ABLIM1: variants seen among roughly 807,000 people sequenced by gnomAD.
ABLIM1 encodes the protein actin binding LIM protein 1.
In ABLIM1, 40 loss-of-function variants were observed where a neutral mutation model predicts 107.0. That is an observed-to-expected ratio of 0.37 (90% CI 0.29 to 0.49). The LOEUF is 0.49. Among genes scored for constraint, ABLIM1 ranks in the 20% least tolerant of loss-of-function variants. The pLI, the probability that ABLIM1 is intolerant of heterozygous loss-of-function variation, is 0.97. For synonymous variants in ABLIM1, 357 were observed against 357.3 expected (o/e 1.00, Z 0.01); for missense variants, 857 against 1,008.5 (o/e 0.85, Z 2.04).
chr10:114,474,679 C>T (rs540471318), intron 8 of ABLIM1, among the ~76,000 whole-genome samples: 2 of 152,120 alleles, frequency 1.3e-5, no homozygotes, highest in Admixed American at 6.5e-5. Flanking sequence ...CGCACTCAGC[C>T]GAGAGACCTT....
At chr10:114,781,957 C>T in the ABLIM1 span, among the ~76,000 whole-genome samples, 1 of 151,882 alleles carries the variant, frequency 6.6e-6, no homozygotes, top group Non-Finnish European at 1.5e-5. Flanking sequence ...ATTTGGATCT[C>T]CATAAATGTT....
At chr10:114,786,697 T>C in the ABLIM1 span, among the ~76,000 whole-genome samples, 1 of 152,200 alleles carries the variant, frequency 6.6e-6, no homozygotes, top group African/African-American at 2.4e-5. Context: ...TTAAGAAATC[T>C]GGTTGGCCAG....
intron 10 of ABLIM1, among the ~76,000 whole-genome samples, chr10:114,471,913 A>G (rs2066649462): frequency 6.6e-6 from 1 of 152,144 alleles, no homozygotes; most frequent in Non-Finnish European, 1.5e-5. Context: ...ATAAAAGAGA[A>G]AAAAATGAGA....
At chr10:114,692,431 T>G (rs2081099883) in intron 1 of ABLIM1, among the ~76,000 whole-genome samples, 1 of 152,158 alleles carries the variant, frequency 6.6e-6, no homozygotes. Context: ...CATCACAACA[T>G]TATAGAGCTT....
intron 6 of ABLIM1, among the ~76,000 whole-genome samples, chr10:114,496,355 T>C (rs1430358187): frequency 2.0e-5 from 3 of 152,188 alleles, no homozygotes; most frequent in Non-Finnish European, 4.4e-5. Context: ...TGCAGGGACA[T>C]GGATGAAGCT....
At chr10:114,479,356 C>T (rs969798565) in intron 8 of ABLIM1, among the ~76,000 whole-genome samples, 3 of 152,194 alleles carry the variant, frequency 2.0e-5, no homozygotes, top group Non-Finnish European at 4.4e-5. Flanking sequence ...GCTTCCCCAG[C>T]GTTCTCTACA....
At chr10:114,787,627 G>A in the ABLIM1 span, among the ~76,000 whole-genome samples, 1 of 144,150 alleles carries the variant, frequency 6.9e-6, no homozygotes, top group Non-Finnish European at 1.5e-5. Context: ...GGGAGGTGAG[G>A]GGTGCCTCTG....
At chr10:114,681,272 C>T (rs951401666) in intron 1 of ABLIM1, among the ~76,000 whole-genome samples, 13 of 152,110 alleles carry the variant, frequency 8.5e-5, no homozygotes, top group African/African-American at 1.2e-4. Context: ...CTCAGCTCAA[C>T]GCAACCTCCG....
intron 2 of ABLIM1, among the ~76,000 whole-genome samples, chr10:114,594,628 T>A (rs1402646453): frequency 6.6e-6 from 1 of 152,150 alleles, no homozygotes; most frequent in African/African-American, 2.4e-5. Flanking sequence ...CGAGTGCCTG[T>A]AATCCCAGCT....
chr10:114,504,577 A>G (rs2060877748), intron 6 of ABLIM1, among the ~76,000 whole-genome samples: 1 of 152,184 alleles, frequency 6.6e-6, no homozygotes. Context: ...TTAAGTGATG[A>G]TAATTTGAAA....
At chr10:114,751,287 AAAAT>A (rs1228781588) in intron 1 of ABLIM1, among the ~76,000 whole-genome samples, 2 of 152,228 alleles carry the variant, frequency 1.3e-5, no homozygotes, top group African/African-American at 4.8e-5. Flanking sequence ...AAAAGAAAGA[AAAAT>A]AAATAAATAA....
At chr10:114,436,495 G>A in intron 22 of ABLIM1, 122 bp from the exon 23 acceptor site, 1 of 700,268 alleles carries the variant, frequency 1.4e-6, no homozygotes, top group South Asian at 2.0e-5. Context: ...GGACGGGAGA[G>A]GAGCCCATCT....
At chr10:114,646,549 T>G (rs976183590) in intron 1 of ABLIM1, among the ~76,000 whole-genome samples, 18 of 152,050 alleles carry the variant, frequency 1.2e-4, no homozygotes, top group Non-Finnish European at 2.6e-4. Flanking sequence ...AGGACCTAAA[T>G]AACTCTAAAA....
intron 1 of ABLIM1, chr10:114,632,040 C>G (rs2078217534): frequency 2.4e-6 from 3 of 1,266,690 alleles, no homozygotes; most frequent in Non-Finnish European, 3.1e-6. Context: ...CCCCGGCATC[C>G]GCTTGTGAGG....
chr10:114,647,072 T>A (rs1390816418), intron 1 of ABLIM1, among the ~76,000 whole-genome samples: 2 of 152,196 alleles, frequency 1.3e-5, no homozygotes, highest in Non-Finnish European at 2.9e-5. Context: ...CTTGGCTCAC[T>A]GCAACCCCTG....
intron 6 of ABLIM1, among the ~76,000 whole-genome samples, chr10:114,535,219 C>G (rs1013470567): frequency 6.6e-6 from 1 of 152,204 alleles, no homozygotes; most frequent in African/African-American, 2.4e-5. Flanking sequence ...CTACACTCTA[C>G]AATCAAGGCC....
At chr10:114,622,884 A>T (rs978056475) in intron 1 of ABLIM1, among the ~76,000 whole-genome samples, 2 of 152,228 alleles carry the variant, frequency 1.3e-5, no homozygotes. Flanking sequence ...AAGCCTAAAC[A>T]ACATATTTCA....
intron 14 of ABLIM1, among the ~76,000 whole-genome samples, chr10:114,450,689 G>A (rs1461061023): frequency 6.6e-6 from 1 of 151,966 alleles, no homozygotes; most frequent in Non-Finnish European, 1.5e-5. Context: ...TGATCCACCT[G>A]CCTCGGCCTC....
intron 1 of ABLIM1, among the ~76,000 whole-genome samples, chr10:114,729,836 A>T (rs1415906734): frequency 2.0e-5 from 3 of 152,136 alleles, no homozygotes; most frequent in African/African-American, 7.3e-5. Context: ...CAATGAAAAA[A>T]CAACAGTTTT....
Sources: gnomAD v4.1 joint callset for allele counts (sites outside exome capture counted in the v4.1 genomes callset) on GRCh38, gnomAD v4.1.1 for gene constraint, MANE v1.5 for transcripts, NCBI Gene and HGNC (gene_info 2026-07-23, HGNC 2026-07-21) for gene names.